The following TSPAN9 variants were observed in gnomAD, a reference collection of about 807,000 sequenced individuals.
TSPAN9 encodes tetraspanin 9, also known as tetraspanin-9.
TSPAN9 carries 16 observed loss-of-function variants against 31.0 expected under a neutral mutation model. The observed-to-expected ratio is 0.52, with a 90% CI of 0.35 to 0.78. The LOEUF is 0.78. Ranked by LOEUF, TSPAN9 falls within the 30% of genes least tolerant of loss-of-function variation. The pLI, the probability that TSPAN9 is intolerant of heterozygous loss-of-function variation, is 0.01. For synonymous variants in TSPAN9, 145 were observed against 121.6 expected, an observed-to-expected ratio of 1.19 and a Z score of -1.27; for missense variants, 272 against 312.5, an observed-to-expected ratio of 0.87 and a Z score of 0.98.
chr12:3,193,284 G>A (rs966876103), intron 2 of TSPAN9, among the ~76,000 whole-genome samples: 4 of 152,166 alleles, frequency 2.6e-5, no homozygotes, highest in Admixed American at 1.3e-4. Context: ...GGCATGTGGT[G>A]TGAGCCGATT....
At chr12:3,263,539 C>T (rs991976505) in intron 3 of TSPAN9, among the ~76,000 whole-genome samples, 1 of 152,190 alleles carries the variant, frequency 6.6e-6, no homozygotes, top group Non-Finnish European at 1.5e-5. Context: ...CCTGGGGAGG[C>T]GCTCCTGTTG....
At chr12:3,121,154 G>A (rs1438524073) in intron 2 of TSPAN9, among the ~76,000 whole-genome samples, 1 of 152,156 alleles carries the variant, frequency 6.6e-6, no homozygotes, top group Non-Finnish European at 1.5e-5. Flanking sequence ...TGTGTCAGGC[G>A]GTGTGAAATG....
At chr12:3,089,110 T>G (rs964559596) in intron 2 of TSPAN9, among the ~76,000 whole-genome samples, 2 of 150,918 alleles carry the variant, frequency 1.3e-5, no homozygotes, top group African/African-American at 2.4e-5. Flanking sequence ...CGGGCGCCTG[T>G]AGTCCCAGCC....
intron 2 of TSPAN9, among the ~76,000 whole-genome samples, chr12:3,166,609 C>T (rs1381178128): frequency 6.6e-6 from 1 of 152,184 alleles, no homozygotes; most frequent in East Asian, 1.9e-4. Flanking sequence ...CATATGTATG[C>T]AATGCAGCAT....
intron 2 of TSPAN9, among the ~76,000 whole-genome samples, chr12:3,183,193 G>T (rs941590004): frequency 6.6e-6 from 1 of 152,202 alleles, no homozygotes; most frequent in Non-Finnish European, 1.5e-5. Flanking sequence ...GTGATTTCAT[G>T]CTGCTTCTTC....
intron 2 of TSPAN9, among the ~76,000 whole-genome samples, chr12:3,098,958 G>A (rs564731119): frequency 3.9e-5 from 6 of 152,114 alleles, no homozygotes; most frequent in African/African-American, 1.4e-4. Flanking sequence ...TCACCATGTT[G>A]GCCAGGCTGG....
intron 3 of TSPAN9, among the ~76,000 whole-genome samples, chr12:3,241,569 C>T (rs2098396587): frequency 6.6e-6 from 1 of 152,222 alleles, no homozygotes; most frequent in Non-Finnish European, 1.5e-5. Flanking sequence ...AGTGATCAAA[C>T]TAAGTGGCCC....
At chr12:3,243,915 C>T (rs1257520863) in intron 3 of TSPAN9, among the ~76,000 whole-genome samples, 1 of 152,212 alleles carries the variant, frequency 6.6e-6, no homozygotes, top group Non-Finnish European at 1.5e-5. Flanking sequence ...TGGGGTTCTG[C>T]TGCCTCCACA....
chr12:3,149,468 A>C (rs1591649023), intron 2 of TSPAN9, among the ~76,000 whole-genome samples: 1 of 152,354 alleles, frequency 6.6e-6, no homozygotes, highest in East Asian at 1.9e-4. Context: ...CAGAAGCTAA[A>C]GAGAGATGCA....
intron 3 of TSPAN9, among the ~76,000 whole-genome samples, chr12:3,251,744 C>A (rs1290110402): frequency 1.3e-5 from 2 of 152,198 alleles, no homozygotes; most frequent in African/African-American, 4.8e-5. Flanking sequence ...ACTGTTGGCA[C>A]CAGCTGTCAG....
intron 2 of TSPAN9, among the ~76,000 whole-genome samples, chr12:3,181,237 T>C (rs2098358446): frequency 5.9e-5 from 9 of 151,448 alleles, no homozygotes; most frequent in Admixed American, 5.9e-4. Context: ...AAAGAAATAT[T>C]ATCTACTGTG....
At chr12:3,205,498 T>A (rs1452522618) in intron 3 of TSPAN9, among the ~76,000 whole-genome samples, 1 of 152,208 alleles carries the variant, frequency 6.6e-6, no homozygotes, top group Non-Finnish European at 1.5e-5. Context: ...GGCTCGGCCA[T>A]GTCACGAGTG....
intron 2 of TSPAN9, among the ~76,000 whole-genome samples, chr12:3,161,384 T>G (rs559562696): frequency 3.7e-4 from 56 of 152,356 alleles, no homozygotes; most frequent in African/African-American, 1.3e-3. Flanking sequence ...CTCTTACATT[T>G]AGGTTCATGA....
chr12:3,204,295 G>A (rs1268457244), intron 3 of TSPAN9, among the ~76,000 whole-genome samples: 1 of 152,180 alleles, frequency 6.6e-6, no homozygotes, highest in Non-Finnish European at 1.5e-5. Flanking sequence ...GCGCTTGGGA[G>A]GATTCCCATG....
intron 2 of TSPAN9, among the ~76,000 whole-genome samples, chr12:3,121,608 G>A (rs1238966962): frequency 7.4e-6 from 1 of 135,434 alleles, no homozygotes; most frequent in African/African-American, 2.8e-5. Context: ...AAACTCCTGA[G>A]CTCAAGTGAT....
At chr12:3,218,246 G>C (rs187426683) in intron 3 of TSPAN9, among the ~76,000 whole-genome samples, 3 of 152,158 alleles carry the variant, frequency 2.0e-5, no homozygotes, top group Admixed American at 2.0e-4. Context: ...CAACTTCCTC[G>C]GGGCAGGGAG....
At chr12:3,089,461 T>C (rs535178858) in intron 2 of TSPAN9, among the ~76,000 whole-genome samples, 1 of 151,582 alleles carries the variant, frequency 6.6e-6, no homozygotes, top group Non-Finnish European at 1.5e-5. Flanking sequence ...CACGCCTGGC[T>C]AATTTTTGTA....
intron 3 of TSPAN9, among the ~76,000 whole-genome samples, chr12:3,248,064 G>A (rs946052567): frequency 6.6e-6 from 1 of 152,116 alleles, no homozygotes; most frequent in Admixed American, 6.5e-5. Flanking sequence ...CAACCTCTCC[G>A]GATTAGAGCA....
chr12:3,234,682 G>T (rs552052683), intron 3 of TSPAN9, among the ~76,000 whole-genome samples: 2 of 152,306 alleles, frequency 1.3e-5, no homozygotes, highest in African/African-American at 2.4e-5. Flanking sequence ...GGAGTGGTCT[G>T]TGCTGCTCTC....
Sources: gnomAD v4.1 joint callset for allele counts (sites outside exome capture counted in the v4.1 genomes callset) on GRCh38, gnomAD v4.1.1 for gene constraint, MANE v1.5 for transcripts, NCBI Gene and HGNC (gene_info 2026-07-23, HGNC 2026-07-21) for gene names.